NKAIN2: variants seen among roughly 807,000 people sequenced by gnomAD.
NKAIN2 encodes sodium/potassium transporting ATPase interacting 2, also known as sodium/potassium-transporting ATPase subunit beta-1-interacting protein 2.
A neutral mutation model predicts 32.6 loss-of-function variants in NKAIN2; 14 were observed. The observed-to-expected ratio is 0.43, with a 90% CI of 0.28 to 0.67. The LOEUF (loss-of-function observed/expected upper bound fraction) is 0.67. Among genes scored for constraint, NKAIN2 ranks in the 30% least tolerant of loss-of-function variants. NKAIN2 has a pLI of 0.17. For missense variants in NKAIN2, 198 were observed against 258.3 expected (o/e 0.77, Z 1.60); for synonymous variants, 80 against 87.2 (o/e 0.92, Z 0.46).
intron 3 of NKAIN2, among the ~76,000 whole-genome samples, chr6:124,624,360 T>G (rs1047407873): frequency 9.2e-5 from 14 of 152,128 alleles, no homozygotes; most frequent in Non-Finnish European, 1.9e-4. Context: ...TCTGGGAGAT[T>G]GGGAACCTCC....
At chr6:124,625,556 G>A (rs938009649) in intron 3 of NKAIN2, among the ~76,000 whole-genome samples, 2 of 151,910 alleles carry the variant, frequency 1.3e-5, no homozygotes, top group Non-Finnish European at 2.9e-5. Context: ...ATAATAATAG[G>A]GTTAGATAAA....
intron 3 of NKAIN2, among the ~76,000 whole-genome samples, chr6:124,620,776 T>C (rs574909231): frequency 6.6e-6 from 1 of 152,294 alleles, no homozygotes; most frequent in South Asian, 2.1e-4. Context: ...GGAGGGGTTT[T>C]CACAGAGTAA....
chr6:124,314,819 T>C (rs979875864), intron 2 of NKAIN2, among the ~76,000 whole-genome samples: 14 of 152,182 alleles, frequency 9.2e-5, no homozygotes, highest in African/African-American at 3.4e-4. Context: ...AAAGCACCAC[T>C]GCAATATCCA....
chr6:123,850,369 TATACAC>T (rs1398887833), intron 1 of NKAIN2, among the ~76,000 whole-genome samples: 2 of 138,564 alleles, frequency 1.4e-5, no homozygotes, highest in African/African-American at 5.1e-5. Context: ...TATATATATA[TATACAC>T]ACACACACAC....
At position 124,456,057 on chromosome 6, in the gene NKAIN2, T is replaced by G. The variant is rs1776309688; in HGVS notation, c.273+100710T>G. 2.0e-5 allele frequency among the ~76,000 whole-genome samples: 3 copies of G among 151,886 alleles called. No individual in the cohort carries two copies. The South Asian group carries it at 6.2e-4, about 32-fold the overall frequency. On this transcript the variant is annotated intron_variant, in intron 3 of 6. Transcript: ENST00000368417. ...ATTGTAAGTGACATTTTTTTTTCTT[T>G]CAGGTATACCTATACTTGCACACAC...
chr6:124,222,891 G>A (rs1179800221), intron 1 of NKAIN2, among the ~76,000 whole-genome samples: 2 of 152,126 alleles, frequency 1.3e-5, no homozygotes, highest in Non-Finnish European at 2.9e-5. Flanking sequence ...AATTCATACT[G>A]TAAGTTCAGA....
At chr6:124,241,805 TA>T (rs1409749620) in intron 1 of NKAIN2, among the ~76,000 whole-genome samples, 2 of 151,798 alleles carry the variant, frequency 1.3e-5, no homozygotes, top group East Asian at 1.9e-4. Context: ...CTATTTAATA[TA>T]TTTTTTTTAA....
chr6:124,430,282 A>T (rs332631), intron 3 of NKAIN2, among the ~76,000 whole-genome samples: 22,141 of 152,262 alleles, frequency 0.15, 1,995 homozygotes, highest in East Asian at 0.24. Context: ...GTCATAATGG[A>T]ATCATTCTCA....
chr6:124,534,512 A>G (rs1280534584), intron 3 of NKAIN2, among the ~76,000 whole-genome samples: 4 of 152,198 alleles, frequency 2.6e-5, no homozygotes. Context: ...CCTTGTGGGG[A>G]TCAATGCTGG....
intron 1 of NKAIN2, among the ~76,000 whole-genome samples, chr6:123,827,355 G>A (rs1045069482): frequency 1.3e-5 from 2 of 152,070 alleles, no homozygotes; most frequent in African/African-American, 4.8e-5. Flanking sequence ...TTTGCCCCCA[G>A]AACAACTCTG....
intron 1 of NKAIN2, among the ~76,000 whole-genome samples, chr6:124,255,738 C>T (rs1439406429): frequency 6.6e-6 from 1 of 152,196 alleles, no homozygotes; most frequent in African/African-American, 2.4e-5. Context: ...ACATGAATCT[C>T]TATTTGCTCA....
At chr6:124,567,957 G>A (rs571214965) in intron 3 of NKAIN2, among the ~76,000 whole-genome samples, 3 of 152,208 alleles carry the variant, frequency 2.0e-5, no homozygotes, top group South Asian at 2.1e-4. Context: ...GGGTCTAATC[G>A]AGCTTGACTG....
At chr6:124,707,404 A>T (rs1775147663) in intron 4 of NKAIN2, among the ~76,000 whole-genome samples, 2 of 151,158 alleles carry the variant, frequency 1.3e-5, no homozygotes, top group Admixed American at 6.6e-5. Flanking sequence ...TAGATCCCTG[A>T]GGAATGGCCA....
chr6:124,211,672 C>A (rs1040686162), intron 1 of NKAIN2, among the ~76,000 whole-genome samples: 3 of 152,024 alleles, frequency 2.0e-5, no homozygotes, highest in South Asian at 2.1e-4. Context: ...TATTCACCAG[C>A]AAATAGTTTA....
intron 1 of NKAIN2, among the ~76,000 whole-genome samples, chr6:124,022,253 C>G (rs958947354): frequency 2.0e-5 from 3 of 152,098 alleles, no homozygotes; most frequent in African/African-American, 7.2e-5. Context: ...CATAGTATTC[C>G]ATGGTGTATA....
At chr6:124,454,617 A>C (rs1194070889) in intron 3 of NKAIN2, among the ~76,000 whole-genome samples, 1 of 152,110 alleles carries the variant, frequency 6.6e-6, no homozygotes, top group Non-Finnish European at 1.5e-5. Context: ...ATGAATGGCC[A>C]TAAATGTGTC....
chr6:124,714,316 AATCT>A (rs1277033946), intron 4 of NKAIN2, among the ~76,000 whole-genome samples: 1 of 152,250 alleles, frequency 6.6e-6, no homozygotes, highest in African/African-American at 2.4e-5. Context: ...TTGATTGATA[AATCT>A]ATTTGCAGGA....
At chr6:123,808,174 C>G (rs939356032) in intron 1 of NKAIN2, among the ~76,000 whole-genome samples, 1 of 152,096 alleles carries the variant, frequency 6.6e-6, no homozygotes, top group African/African-American at 2.4e-5. Context: ...CAGGTAGAAT[C>G]TTATGATATT....
chr6:123,856,461 T>C (rs1287481373), intron 1 of NKAIN2, among the ~76,000 whole-genome samples: 2 of 152,232 alleles, frequency 1.3e-5, no homozygotes, highest in Non-Finnish European at 2.9e-5. Context: ...CTGAAAATTA[T>C]TAAAAGTAGC....
Sources: gnomAD v4.1 joint callset for allele counts (sites outside exome capture counted in the v4.1 genomes callset) on GRCh38, gnomAD v4.1.1 for gene constraint, MANE v1.5 for transcripts, NCBI Gene and HGNC (gene_info 2026-07-23, HGNC 2026-07-21) for gene names.